Variants in EFCAB8 observed in about 807,000 individuals in gnomAD.
EFCAB8 encodes the protein EF-hand calcium binding domain 8, also known as EF-hand calcium-binding domain-containing protein 8.
Under a neutral mutation model 116.3 loss-of-function variants are expected in EFCAB8, and 100 were observed. That is an observed-to-expected ratio of 0.86 (90% CI 0.73 to 1.02). EFCAB8 has a LOEUF of 1.02. Ranked by LOEUF, EFCAB8 falls within the 50% of genes least tolerant of loss-of-function variation. The pLI, the probability that EFCAB8 is intolerant of heterozygous loss-of-function variation, is 0.00. For synonymous variants in EFCAB8, 558 were observed against 567.9 expected (o/e 0.98, Z 0.25); for missense variants, 1,320 against 1,416.9 (o/e 0.93, Z 1.10).
chr20:32,947,771 T>C (rs1437554908), intron 23 of EFCAB8, among the ~76,000 whole-genome samples: 1 of 151,844 alleles, frequency 6.6e-6, no homozygotes, highest in Non-Finnish European at 1.5e-5. Context: ...ATCTCCAGCC[T>C]CAACTTCCAC....
At chr20:32,949,057 G>A (rs1430233995) in intron 23 of EFCAB8, among the ~76,000 whole-genome samples, 1 of 152,084 alleles carries the variant, frequency 6.6e-6, no homozygotes, top group Non-Finnish European at 1.5e-5. Flanking sequence ...ATTTGTAGTT[G>A]ACTAATTGTC....
chr20:32,933,468 G>A (rs912668370), intron 22 of EFCAB8, among the ~76,000 whole-genome samples: 3 of 152,052 alleles, frequency 2.0e-5, no homozygotes, highest in Admixed American at 2.0e-4. Context: ...AATTTTTATG[G>A]TGAGACATTT....
At position 32,961,451 on chromosome 20, in the gene EFCAB8, G is replaced by A; in HGVS notation, c.3709G>A (p.Ala1237Thr). The change falls in exon 27 of 27, where the codon GCC (alanine) becomes ACC (threonine). Residue 1237 changes from alanine (A) to threonine (T), a missense_variant. Ala to Thr is a moderately conservative substitution (Grantham distance 58, BLOSUM62 0). Coordinates refer to ENST00000400522, the MANE Select transcript of EFCAB8 (RefSeq NM_001143967.2). ...GCTGCGGCCCCAGTCAGCCTCCACA[G>A]CCCATTCCACCCCCTCGGTCCCATC... ...FLLRPQSAST[A>T]HSTPSVPSPV... 1 of 1,454,842 alleles carries A rather than the reference G, an allele frequency of 6.9e-7. No homozygotes were observed. Among genetic ancestry groups the A allele is most frequent in the Non-Finnish European group, 9.1e-7 (1 of 1,101,336 alleles). 90.1% of individuals were successfully genotyped at this position (1,454,842 alleles called of 1,614,324 possible).
At chr20:32,911,409 A>G in intron 15 of EFCAB8, 71 bp from the exon 16 acceptor site, 1 of 1,343,356 alleles carries the variant, frequency 7.4e-7, no homozygotes, top group Non-Finnish European at 9.8e-7. Flanking sequence ...GGGCCAAGGC[A>G]GGCTGGAGAC....
At chr20:32,863,437 C>G (rs17123730) in intron 1 of EFCAB8, among the ~76,000 whole-genome samples, 2,102 of 152,244 alleles carry the variant, frequency 0.014, 44 homozygotes, top group African/African-American at 0.047. Context: ...ACATGGCCTC[C>G]TAAGATTCTT....
chr20:32,860,986 C>T (rs1039002815), intron 1 of EFCAB8, among the ~76,000 whole-genome samples: 5 of 151,894 alleles, frequency 3.3e-5, no homozygotes, highest in Non-Finnish European at 7.4e-5. Flanking sequence ...GCGATCTTCC[C>T]ACCTTGGCCT....
At chr20:32,884,339 A>C (rs2146200572) in intron 5 of EFCAB8, among the ~76,000 whole-genome samples, 1 of 152,304 alleles carries the variant, frequency 6.6e-6, no homozygotes, top group South Asian at 2.1e-4. Flanking sequence ...GAGGAAACCA[A>C]GTCCTCCCTG....
At chr20:32,886,527 C>A (rs1472414967) in intron 6 of EFCAB8, among the ~76,000 whole-genome samples, 1 of 152,148 alleles carries the variant, frequency 6.6e-6, no homozygotes, top group African/African-American at 2.4e-5. Context: ...CAGGGCTCAT[C>A]CTTTGGGGAA....
chr20:32,956,728 G>A (rs1179609860), intron 23 of EFCAB8, among the ~76,000 whole-genome samples: 4 of 152,058 alleles, frequency 2.6e-5, no homozygotes, highest in Non-Finnish European at 5.9e-5. Context: ...TGACTATGAT[G>A]TGCGTAAGTG....
chr20:32,888,909 A>T (rs1264074365), intron 6 of EFCAB8, among the ~76,000 whole-genome samples: 2 of 147,918 alleles, frequency 1.4e-5, no homozygotes, highest in African/African-American at 5.1e-5. Flanking sequence ...TTGGAAACAG[A>T]TCCCTGGATC....
intron 13 of EFCAB8, among the ~76,000 whole-genome samples, chr20:32,907,603 T>A (rs1010162213): frequency 6.6e-6 from 1 of 152,104 alleles, no homozygotes; most frequent in Admixed American, 6.5e-5. Context: ...GATGGAGAAT[T>A]GTCAGGGCCC....
chr20:32,878,860 G>T (rs989779163), intron 5 of EFCAB8, 53 bp downstream of exon 5: 9 of 1,471,000 alleles, frequency 6.1e-6, no homozygotes, highest in Admixed American at 3.9e-5. Flanking sequence ...ACAAGTGCTG[G>T]TGCCAGCCTG....
intron 20 of EFCAB8, among the ~76,000 whole-genome samples, chr20:32,921,141 T>G (rs908774861): frequency 6.6e-6 from 1 of 152,034 alleles, no homozygotes; most frequent in Non-Finnish European, 1.5e-5. Context: ...TTTTGCAGTG[T>G]TGGGAGGGAG....
chr20:32,939,153 TTCTTTC>T (rs1363925784), intron 22 of EFCAB8, among the ~76,000 whole-genome samples: 6 of 80,444 alleles, frequency 7.5e-5, no homozygotes, highest in Non-Finnish European at 1.4e-4. Flanking sequence ...CTTTCTTTCT[TTCTTTC>T]TTTCTTTCTT....
At position 32,961,525 on chromosome 20, in the gene EFCAB8, T is replaced by C. The variant is rs1989154286; in HGVS notation, c.3783T>C (p.Ile1261=). 10 of 1,418,438 alleles carry C rather than the reference T, an allele frequency of 7.1e-6. No homozygotes were observed. Among genetic ancestry groups the C allele is most frequent in the East Asian group, 2.6e-5 (1 of 38,536 alleles). 87.9% of individuals were successfully genotyped at this position (1,418,438 alleles called of 1,614,324 possible). A position where few individuals can be genotyped will look rare whatever the true frequency, so the allele number is the denominator to read the frequency against. The change falls in exon 27 of 27, where the codon ATT becomes ATC. Residue 1261 remains isoleucine (I), a synonymous_variant. Coordinates refer to ENST00000400522, the MANE Select transcript of EFCAB8 (RefSeq NM_001143967.2). ...TLQGSVTPKH[I]VSSFERPPRP... ...AGGGGTCAGTGACCCCCAAGCACAT[T>C]GTCTCCTCCTTCGAGCGGCCCCCAA... is the stretch of plus-strand genomic sequence containing the variant.
intron 3 of EFCAB8, among the ~76,000 whole-genome samples, chr20:32,874,361 T>C (rs1365336104): frequency 6.6e-6 from 1 of 152,106 alleles, no homozygotes; most frequent in Non-Finnish European, 1.5e-5. Flanking sequence ...CAGCTGGGAC[T>C]ACAGGCTCAC....
intron 23 of EFCAB8, among the ~76,000 whole-genome samples, chr20:32,955,997 T>A (rs1422178947): frequency 6.6e-6 from 1 of 152,198 alleles, no homozygotes; most frequent in Non-Finnish European, 1.5e-5. Context: ...TGGGTTGAAG[T>A]CAATCATCTT....
At chr20:32,920,238 G>C (rs1302757986) in intron 20 of EFCAB8, 23 bp downstream of exon 20, 1 of 1,551,160 alleles carries the variant, frequency 6.4e-7, no homozygotes, top group Non-Finnish European at 8.7e-7. Flanking sequence ...CAGCCAGGGA[G>C]AGGGATATGA....
intron 9 of EFCAB8, among the ~76,000 whole-genome samples, chr20:32,895,360 T>A (rs2146216301): frequency 6.6e-6 from 1 of 150,954 alleles, no homozygotes; most frequent in Admixed American, 6.6e-5. Flanking sequence ...GGTCATACTC[T>A]GTTGCCCAGG....
Sources: allele counts gnomAD v4.1 joint callset (sites outside exome capture counted in the v4.1 genomes callset), GRCh38; gene constraint gnomAD v4.1.1; transcripts MANE v1.5; gene names NCBI Gene and HGNC (gene_info 2026-07-23, HGNC 2026-07-21).